LRRTM4: variants seen among roughly 807,000 people sequenced by gnomAD.
The protein encoded by LRRTM4 is leucine rich repeat transmembrane neuronal 4, also known as leucine-rich repeat transmembrane neuronal protein 4.
LRRTM4 carries 25 observed loss-of-function variants against 47.6 expected under a neutral mutation model. That is an observed-to-expected ratio of 0.53 (90% CI 0.38 to 0.73). The LOEUF (loss-of-function observed/expected upper bound fraction) is 0.73. Ranked by LOEUF, LRRTM4 falls within the 30% of genes least tolerant of loss-of-function variation. LRRTM4 has a pLI of 0.00. For missense variants in LRRTM4, 638 were observed against 713.4 expected, an observed-to-expected ratio of 0.89 and a Z score of 1.20; for synonymous variants, 311 against 269.5, an observed-to-expected ratio of 1.15 and a Z score of -1.51.
intron 3 of LRRTM4, among the ~76,000 whole-genome samples, chr2:77,353,354 C>T (rs1671853474): frequency 6.6e-6 from 1 of 152,154 alleles, no homozygotes; most frequent in African/African-American, 2.4e-5. Context: ...GGTAGCCCTG[C>T]TACAAAGATA....
chr2:77,211,067 C>G (rs1403941051), intron 3 of LRRTM4, among the ~76,000 whole-genome samples: 2 of 151,758 alleles, frequency 1.3e-5, no homozygotes. Flanking sequence ...GAAAACAGAA[C>G]CCAGGTAATT....
chr2:77,130,989 T>C (rs1398711938), intron 3 of LRRTM4, among the ~76,000 whole-genome samples: 11 of 143,662 alleles, frequency 7.7e-5, no homozygotes, highest in South Asian at 4.6e-4. Flanking sequence ...CGCCCGCCAC[T>C]ACGCCCGGCT....
In LRRTM4 at chr2:76,803,785, T is replaced by G. The variant is rs563515535; in HGVS notation, c.1552-54869A>C. ...GATATTGTGAAGGTTTCCTTCACCA[T>G]AACTAATAACAGTGGTTCACGGTCC... On this transcript the variant is annotated intron_variant, in intron 3 of 3. Transcript: ENST00000409884. 4.6e-5 allele frequency among the ~76,000 whole-genome samples: 7 copies of G among 152,274 alleles called. No individual in the cohort carries two copies. The South Asian group carries it at 1.5e-3, about 32-fold the overall frequency.
chr2:77,300,216 T>C (rs944986001), intron 3 of LRRTM4, among the ~76,000 whole-genome samples: 1 of 152,160 alleles, frequency 6.6e-6, no homozygotes, highest in Non-Finnish European at 1.5e-5. Flanking sequence ...CAATGACTTC[T>C]AGGAAACATA....
intron 3 of LRRTM4, among the ~76,000 whole-genome samples, chr2:77,343,397 C>T (rs890699484): frequency 6.6e-6 from 1 of 151,780 alleles, no homozygotes; most frequent in Non-Finnish European, 1.5e-5. Context: ...TTCTCAAACC[C>T]CAAATTAATT....
At chr2:77,194,537 A>G (rs1300493153) in intron 3 of LRRTM4, among the ~76,000 whole-genome samples, 1 of 152,178 alleles carries the variant, frequency 6.6e-6, no homozygotes. Context: ...AAAAATCTCT[A>G]GAAGTTTCTA....
At chr2:76,893,858 T>C (rs1673327999) in intron 3 of LRRTM4, among the ~76,000 whole-genome samples, 2 of 151,800 alleles carry the variant, frequency 1.3e-5, no homozygotes, top group African/African-American at 4.8e-5. Flanking sequence ...ATTGTATACA[T>C]TTTGGGTGCA....
chr2:76,910,874 G>A (rs1484510927), intron 3 of LRRTM4, among the ~76,000 whole-genome samples: 1 of 152,080 alleles, frequency 6.6e-6, no homozygotes, highest in Non-Finnish European at 1.5e-5. Flanking sequence ...CCATTCTTGT[G>A]CATTCTGCGT....
chr2:76,915,600 A>G (rs917308410), intron 3 of LRRTM4, among the ~76,000 whole-genome samples: 1 of 152,088 alleles, frequency 6.6e-6, no homozygotes, highest in African/African-American at 2.4e-5. Flanking sequence ...ATTTTTTATT[A>G]TTCTTTTACC....
intron 3 of LRRTM4, among the ~76,000 whole-genome samples, chr2:76,988,741 G>A (rs1381628163): frequency 6.6e-6 from 1 of 151,576 alleles, no homozygotes; most frequent in Non-Finnish European, 1.5e-5. Context: ...CATAACAGGT[G>A]GTCCTCCTCC....
intron 3 of LRRTM4, among the ~76,000 whole-genome samples, chr2:77,476,612 G>T (rs917670847): frequency 2.0e-5 from 3 of 152,086 alleles, no homozygotes; most frequent in Middle Eastern, 3.4e-3. Context: ...ATTTGTTTTG[G>T]AAAATCTTTA....
At chr2:76,803,414 G>T (rs1334826344) in intron 3 of LRRTM4, among the ~76,000 whole-genome samples, 2 of 151,960 alleles carry the variant, frequency 1.3e-5, no homozygotes, top group African/African-American at 2.4e-5. Flanking sequence ...TTTACACCTG[G>T]TAAAATGGCT....
chr2:76,932,716 A>C (rs1168024376), intron 3 of LRRTM4, among the ~76,000 whole-genome samples: 1 of 152,084 alleles, frequency 6.6e-6, no homozygotes, highest in Non-Finnish European at 1.5e-5. Flanking sequence ...ATGTGTTCAT[A>C]TATTCATAGA....
chr2:76,800,329 C>G (rs62172131), intron 3 of LRRTM4, among the ~76,000 whole-genome samples: 78,477 of 138,672 alleles, frequency 0.57, 22,667 homozygotes, highest in East Asian at 0.74. Flanking sequence ...CTTTGACAAA[C>G]CTGAGAAAAA....
intron 3 of LRRTM4, among the ~76,000 whole-genome samples, chr2:76,924,475 G>A (rs1346988900): frequency 6.6e-6 from 1 of 151,984 alleles, no homozygotes; most frequent in Non-Finnish European, 1.5e-5. Flanking sequence ...CAATTCCACA[G>A]TCTAATTCAA....
intron 3 of LRRTM4, among the ~76,000 whole-genome samples, chr2:76,792,904 G>C (rs767546830): frequency 1.3e-5 from 2 of 152,104 alleles, no homozygotes; most frequent in Non-Finnish European, 2.9e-5. Context: ...GAAAACCATC[G>C]TTTCATATAT....
chr2:77,311,651 G>T (rs1057172462), intron 3 of LRRTM4, among the ~76,000 whole-genome samples: 2 of 152,170 alleles, frequency 1.3e-5, no homozygotes, highest in African/African-American at 4.8e-5. Flanking sequence ...ATAAATAGCA[G>T]CAGGTGTGAT....
chr2:77,319,448 C>T (rs1165537644), intron 3 of LRRTM4, among the ~76,000 whole-genome samples: 1 of 152,006 alleles, frequency 6.6e-6, no homozygotes, highest in Non-Finnish European at 1.5e-5. Flanking sequence ...TAGCTAACAC[C>T]TACCTGCTAC....
intron 3 of LRRTM4, among the ~76,000 whole-genome samples, chr2:77,171,611 A>C (rs2103835171): frequency 6.6e-6 from 1 of 152,104 alleles, no homozygotes; most frequent in African/African-American, 2.4e-5. Context: ...GTATGCATAT[A>C]AATATAAGAT....
Sources: allele counts gnomAD v4.1 joint callset (sites outside exome capture counted in the v4.1 genomes callset), GRCh38; gene constraint gnomAD v4.1.1; transcripts MANE v1.5; gene names NCBI Gene and HGNC (gene_info 2026-07-23, HGNC 2026-07-21).